The following APBB2 variants were observed in gnomAD, a reference collection of about 807,000 sequenced individuals.
APBB2 encodes amyloid beta precursor protein binding family B member 2, also known as Fe65-like 1.
Under a neutral mutation model 82.5 loss-of-function variants are expected in APBB2, and 38 were observed. The ratio of observed to expected loss-of-function variants is 0.46; its 90% CI spans 0.36 to 0.60. APBB2 has a LOEUF of 0.60. Ranked by LOEUF, APBB2 falls within the 20% of genes least tolerant of loss-of-function variation. APBB2 has a pLI of 0.00. For missense variants in APBB2, 772 were observed against 972.3 expected (o/e 0.79, Z 2.74); for synonymous variants, 341 against 368.2 (o/e 0.93, Z 0.85).
chr4:40,875,510 C>A (rs1047298365), intron 12 of APBB2, among the ~76,000 whole-genome samples: 1 of 152,142 alleles, frequency 6.6e-6, no homozygotes, highest in Non-Finnish European at 1.5e-5. Flanking sequence ...GCTAATATGT[C>A]CAAAATACTA....
chr4:41,033,839 A>G (rs1379472191), intron 4 of APBB2, among the ~76,000 whole-genome samples: 3 of 152,236 alleles, frequency 2.0e-5, no homozygotes, highest in African/African-American at 7.2e-5. Context: ...CTGTAGGAGA[A>G]TAAGAAAAGA....
intron 4 of APBB2, among the ~76,000 whole-genome samples, chr4:41,048,631 CTCCCTA>C: frequency 6.6e-6 from 1 of 151,228 alleles, no homozygotes; most frequent in Non-Finnish European, 1.5e-5. Flanking sequence ...TATTCTCCCT[CTCCCTA>C]TCCCTCCCCC....
rs1744911540 is a variant in APBB2, at chr4:40,813,719, T to C, written c.*2373A>G. 6.6e-6 allele frequency: 1 copy of C among 152,210 alleles called. No individual in the cohort carries two copies. The allele number at this position is 152,210 out of a possible 1,614,324, so 9.4% of individuals were successfully genotyped here. A position where few individuals can be genotyped will look rare whatever the true frequency, so the allele number is the denominator to read the frequency against. ...TTGATCTTGAAAACAAGCAAATGTATGCCTTAAAAAATGAAGAGGGAGTTC... is the reference window on the plus strand; with the variant it reads ...TTGATCTTGAAAACAAGCAAATGTACGCCTTAAAAAATGAAGAGGGAGTTC... On this transcript the variant is annotated 3_prime_UTR_variant, in exon 18 of 18. Transcript: ENST00000508593.
chr4:41,027,391 AT>A (rs1307055712), intron 5 of APBB2, among the ~76,000 whole-genome samples: 24 of 92,066 alleles, frequency 2.6e-4, no homozygotes, highest in African/African-American at 7.1e-4. Flanking sequence ...ATATATATAT[AT>A]ATATATATAT....
Position 41,014,305 on chromosome 4 carries a change from G to A in APBB2, c.113C>T (p.Thr38Ile). 6.2e-7 allele frequency: 1 copy of A among 1,614,184 alleles called. No homozygotes were observed. The highest frequency in any genetic ancestry group is 8.5e-7 in the Non-Finnish European group (1 of 1,180,050). ...NRNSPATPPNTLNLRSSHNEL... is the reference protein window; with the variant it reads ...NRNSPATPPNILNLRSSHNEL... Reference sequence around the variant, plus strand: ...ATTGTGGGAGGATCGGAGGTTAAGGGTGTTTGGTGGTGTGGCTGGGCTGTT... The same window carrying A: ...ATTGTGGGAGGATCGGAGGTTAAGGATGTTTGGTGGTGTGGCTGGGCTGTT... The change falls in exon 6 of 18, where the codon ACC becomes ATC. Residue 38 changes from threonine to isoleucine, a missense_variant. Thr to Ile is a moderately conservative substitution (Grantham distance 89). Transcript: ENST00000508593.
intron 12 of APBB2, among the ~76,000 whole-genome samples, chr4:40,847,796 TG>T (rs1758126185): frequency 1.3e-5 from 2 of 152,100 alleles, no homozygotes; most frequent in South Asian, 4.1e-4. Context: ...AATTGTTTGT[TG>T]TTTTTGCTTG....
chr4:41,005,925 C>G (rs528412643), intron 6 of APBB2, among the ~76,000 whole-genome samples: 1 of 152,306 alleles, frequency 6.6e-6, no homozygotes, highest in East Asian at 1.9e-4. Flanking sequence ...ACGTTTCTTC[C>G]TTTTCTTAGC....
intron 2 of APBB2, among the ~76,000 whole-genome samples, chr4:41,112,380 G>C (rs768383916): frequency 1.3e-5 from 2 of 152,220 alleles, no homozygotes; most frequent in African/African-American, 2.4e-5. Context: ...AAGTATCTGG[G>C]ATACAGGCAG....
chr4:40,994,931 GATTGT>G (rs1803222240), intron 6 of APBB2, among the ~76,000 whole-genome samples: 1 of 151,618 alleles, frequency 6.6e-6, no homozygotes, highest in Non-Finnish European at 1.5e-5. Flanking sequence ...TCTTAAGAAA[GATTGT>G]ATTGATCAAA....
chr4:40,947,395 A>G (rs1788745014), intron 6 of APBB2, among the ~76,000 whole-genome samples: 1 of 152,242 alleles, frequency 6.6e-6, no homozygotes, highest in Non-Finnish European at 1.5e-5. Context: ...CTGAGACATT[A>G]GCGTGTATGA....
At chr4:41,137,346 A>T (rs1757864916) in intron 2 of APBB2, among the ~76,000 whole-genome samples, 1 of 152,206 alleles carries the variant, frequency 6.6e-6, no homozygotes, top group Admixed American at 6.5e-5. Context: ...AATGCAGAAC[A>T]GGTATAAAAA....
At chr4:40,969,448 A>G (rs1037694955) in intron 6 of APBB2, among the ~76,000 whole-genome samples, 2 of 152,246 alleles carry the variant, frequency 1.3e-5, no homozygotes, top group African/African-American at 2.4e-5. Flanking sequence ...AGGGAAATCC[A>G]TATGTTTTCA....
chr4:40,928,617 G>A (rs2154372109), intron 10 of APBB2, among the ~76,000 whole-genome samples: 1 of 151,056 alleles, frequency 6.6e-6, no homozygotes, highest in East Asian at 2.0e-4. Flanking sequence ...CAGGTGCAGT[G>A]GCTCATGCCT....
At chr4:41,130,604 G>A (rs1179366309) in intron 2 of APBB2, among the ~76,000 whole-genome samples, 1 of 152,062 alleles carries the variant, frequency 6.6e-6, no homozygotes, top group Non-Finnish European at 1.5e-5. Context: ...CCCAGAGGGT[G>A]GCCCCCTCCT....
At chr4:40,900,110 A>G (rs1774851703) in intron 10 of APBB2, among the ~76,000 whole-genome samples, 1 of 152,254 alleles carries the variant, frequency 6.6e-6, no homozygotes, top group Non-Finnish European at 1.5e-5. Flanking sequence ...AGTTCACATC[A>G]AAAAGCTAAA....
Position 40,813,856 on chromosome 4 carries a change from T to C in APBB2, c.*2236A>G, listed in dbSNP as rs1744950225. On this transcript the variant is annotated 3_prime_UTR_variant, in exon 18 of 18. Coordinates refer to ENST00000508593, the MANE Select transcript of APBB2 (RefSeq NM_004307.2). ...ATGAAAGATCACTGTAAATGATTTC[T>C]GAACAGCTTTTCAAAGGGCACAGCA... The C allele has an allele frequency of 2.0e-5, 3 of 152,216 alleles. No individual in the cohort carries two copies. Among genetic ancestry groups the C allele is most frequent in the South Asian group, 4.1e-4 (2 of 4,822 alleles). 9.4% of individuals were successfully genotyped at this position (152,216 alleles called of 1,614,324 possible). A position where few individuals can be genotyped will look rare whatever the true frequency, so the allele number is the denominator to read the frequency against.
chr4:41,115,737 C>T (rs1750764660), intron 2 of APBB2, among the ~76,000 whole-genome samples: 1 of 152,118 alleles, frequency 6.6e-6, no homozygotes, highest in Non-Finnish European at 1.5e-5. Flanking sequence ...CTGGTCATTA[C>T]AGAAATGCAA....
In APBB2 at chr4:40,971,258, C is replaced by T. The variant is rs183473979; in HGVS notation, c.836-26185G>A. ...AAATTAATCCTAAAATTTAAACATACTGAGAAACAAACCAGTGACTTTTTA... is the reference window on the plus strand; with the variant it reads ...AAATTAATCCTAAAATTTAAACATATTGAGAAACAAACCAGTGACTTTTTA... On this transcript the variant is annotated intron_variant, in intron 6 of 17. Coordinates refer to ENST00000508593, the MANE Select transcript of APBB2 (RefSeq NM_004307.2). Among the ~76,000 whole-genome samples, 14 of 152,314 alleles carry T rather than the reference C, an allele frequency of 9.2e-5. No homozygotes were observed. In the South Asian group the frequency reaches 1.2e-3, roughly 14 times the overall value.
chr4:41,163,200 C>T (rs551308541), intron 1 of APBB2, among the ~76,000 whole-genome samples: 16 of 152,286 alleles, frequency 1.1e-4, no homozygotes, highest in Non-Finnish European at 1.9e-4. Flanking sequence ...TTTAAAACAG[C>T]AGCAGCACAG....
Sources: allele counts gnomAD v4.1 joint callset (sites outside exome capture counted in the v4.1 genomes callset), GRCh38; gene constraint gnomAD v4.1.1; transcripts MANE v1.5; gene names NCBI Gene and HGNC (gene_info 2026-07-23, HGNC 2026-07-21).